The following BSN variants were observed in gnomAD, a reference collection of about 807,000 sequenced individuals.
BSN encodes the protein protein bassoon.
Under a neutral mutation model 264.8 loss-of-function variants are expected in BSN, and 57 were observed. The observed-to-expected ratio is 0.22, with a 90% CI of 0.17 to 0.27. BSN has a LOEUF of 0.27. Among genes scored for constraint, BSN ranks in the 10% least tolerant of loss-of-function variants. The pLI, the probability that BSN is intolerant of heterozygous loss-of-function variation, is 1.00. For synonymous variants in BSN, 2,059 were observed against 2,137.3 expected, an observed-to-expected ratio of 0.96 and a Z score of 1.01; for missense variants, 4,615 against 5,232.5, an observed-to-expected ratio of 0.88 and a Z score of 3.64.
chr3:49,655,648 G>A lies in BSN; in HGVS notation c.6092G>A (p.Arg2031His), dbSNP rs147711810. ...TACAGCCTGGGCTTTGCGGATGGAC[G>A]CTACCTAGGGCAGGGCTTGCAGTAT... is the stretch of plus-strand genomic sequence containing the variant. ...HSYSLGFADG[R>H]YLGQGLQYGS... The change falls in exon 5 of 12, where the codon CGC becomes CAC. Residue 2031 changes from arginine to histidine, a missense_variant. Arg to His is a conservative substitution (Grantham distance 29). Transcript: ENST00000296452. 2.7e-5 allele frequency: 44 copies of A among 1,613,516 alleles called. No homozygotes were observed. The African/African-American group carries it at 2.9e-4, about 11-fold the overall frequency.
At chr3:49,603,402 C>A (rs1389877475) in intron 1 of BSN, among the ~76,000 whole-genome samples, 1 of 152,196 alleles carries the variant, frequency 6.6e-6, no homozygotes, top group Non-Finnish European at 1.5e-5. Flanking sequence ...TGGTTCCTGA[C>A]TTCTTAGGGT....
Position 49,656,946 on chromosome 3 carries a change from C to G in BSN, c.7390C>G (p.Gln2464Glu), listed in dbSNP as rs2052608798. Residue 2464 changes from glutamine to glutamate, a missense_variant, in exon 5 of 12, where the codon CAG becomes GAG. This residue lies in a region of BSN where 3,415 missense variants were observed against 3,866.4 expected (regional missense o/e 0.88). Transcript: ENST00000296452. ...QIQQLQQQLQQQLEEQKQRQK... is the reference protein window; with the variant it reads ...QIQQLQQQLQEQLEEQKQRQK... ...CCAGCAGCTGCAGCAGCAGCTGCAG[C>G]AGCAGCTAGAGGAGCAGAAGCAGCG... is the stretch of plus-strand genomic sequence containing the variant. The G allele has an allele frequency of 1.9e-6, 3 of 1,602,684 alleles. No homozygotes were observed. The highest frequency in any genetic ancestry group is 1.7e-5 in the Admixed American group (1 of 58,924).
intron 1 of BSN, among the ~76,000 whole-genome samples, chr3:49,600,572 G>T (rs1391334721): frequency 6.6e-6 from 1 of 152,130 alleles, no homozygotes; most frequent in Non-Finnish European, 1.5e-5. Flanking sequence ...AAACTCCATG[G>T]CTGGAGCACA....
Position 49,661,484 on chromosome 3 carries a change from C to G in BSN, c.9639C>G (p.Thr3213=), listed in dbSNP as rs1170973147. 2.5e-6 allele frequency: 4 copies of G among 1,613,944 alleles called. No homozygotes were observed. Among genetic ancestry groups the G allele is most frequent in the Admixed American group, 1.7e-5 (1 of 60,010 alleles). The change falls in exon 6 of 12, where the codon ACC becomes ACG. Residue 3213 remains threonine (T), a synonymous_variant. Coordinates refer to ENST00000296452, the MANE Select transcript of BSN (RefSeq NM_003458.4). ...GTGTGAGCCAGAGCCCAGCCCCCAC[C>G]TACCCCTCTGACTCACACTATACCA... ...RGSVSQSPAP[T]YPSDSHYTSL...
intron 1 of BSN, among the ~76,000 whole-genome samples, chr3:49,577,642 C>T (rs934989599): frequency 4.6e-5 from 7 of 151,692 alleles, no homozygotes; most frequent in African/African-American, 1.7e-4. Flanking sequence ...CAGGTTAAAG[C>T]GATTCTCCTG....
rs1250635964 is a variant in BSN, at chr3:49,656,119, G to A, written c.6563G>A (p.Arg2188His). 11 of 1,612,728 alleles carry A rather than the reference G, an allele frequency of 6.8e-6. No homozygotes were observed. Among genetic ancestry groups the A allele is most frequent in the African/African-American group, 2.7e-5 (2 of 74,940 alleles). ...CTGCTGCCGTCCACAGCCACTGTAC[G>A]TGCAGCTGATGGCATGATCTACTCG... ...RQLLPSTATV[R>H]AADGMIYSTI... is the part of the protein sequence containing the mutation. The change falls in exon 5 of 12, where the codon CGT becomes CAT. Residue 2188 changes from arginine to histidine, a missense_variant. Arg to His is a conservative substitution (Grantham distance 29). This residue lies in a region of BSN where 3,415 missense variants were observed against 3,866.4 expected (regional missense o/e 0.88). Transcript: ENST00000296452.
intron 11 of BSN, among the ~76,000 whole-genome samples, chr3:49,666,144 G>A (rs1053441776): frequency 5.3e-5 from 8 of 152,236 alleles, no homozygotes; most frequent in Non-Finnish European, 1.0e-4. Flanking sequence ...TGCCCCTTCA[G>A]GGTGCTTCTC....
At chr3:49,571,097 C>T (rs1187403294) in intron 1 of BSN, among the ~76,000 whole-genome samples, 1 of 152,186 alleles carries the variant, frequency 6.6e-6, no homozygotes, top group Non-Finnish European at 1.5e-5. Flanking sequence ...TAGCGACAGG[C>T]ATTGCTTTTG....
At chr3:49,560,315 T>C (rs1295839328) in intron 1 of BSN, among the ~76,000 whole-genome samples, 1 of 152,080 alleles carries the variant, frequency 6.6e-6, no homozygotes, top group Non-Finnish European at 1.5e-5. Context: ...GTGCAGTAAG[T>C]TGGGGCTAAC....
rs1255259691 is a variant in BSN, at chr3:49,616,977, TG to T, written c.225-7996del. ...GTTCCCGTTCCCAGCAGCCCTCCTG[TG>T]GCCAGGGGGCTCCTTCCTGCCTTGG... On this transcript the variant is annotated intron_variant, in intron 1 of 11. Transcript: ENST00000296452. Among the ~76,000 whole-genome samples, 9 of 152,308 alleles carry T rather than the reference TG, an allele frequency of 5.9e-5. 1 individual carries two copies. In the East Asian group the frequency reaches 1.7e-3, roughly 29 times the overall value.
At position 49,606,267 on chromosome 3, in the gene BSN, A is replaced by AATATATTAAAAATATATATT. The variant is rs2052147053; in HGVS notation, c.225-18702_225-18701insTAAAAATATATATTATATAT. ...TATATATTATATATAAAATATATAT[A>AATATATTAAAAATATATATT]ATATATATTAAAAATATATATTATA... On this transcript the variant is annotated intron_variant, in intron 1 of 11. Transcript: ENST00000296452. Among the ~76,000 whole-genome samples the AATATATTAAAAATATATATT allele has an allele frequency of 2.6e-4, 2 of 7,586 alleles. 1 individual carries two copies. The highest frequency in any genetic ancestry group is 5.2e-4 in the Non-Finnish European group (2 of 3,864). The allele number at this position is 7,586 out of a possible 152,430, so 5.0% of individuals were successfully genotyped here. A position where few individuals can be genotyped will look rare whatever the true frequency, so the allele number is the denominator to read the frequency against.
intron 1 of BSN, among the ~76,000 whole-genome samples, chr3:49,565,844 C>T (rs189428146): frequency 2.6e-5 from 4 of 151,792 alleles, no homozygotes; most frequent in Admixed American, 1.3e-4. Flanking sequence ...TTTTTTGAGA[C>T]GGAGTCTCGC....
Position 49,652,265 on chromosome 3 carries a change from G to A in BSN, c.2709G>A (p.Thr903=), listed in dbSNP as rs368833098. ...PKRRLPHNAT[T]GYEELLPEGG... ...GGCGCCTGCCCCACAATGCCACCAC[G>A]GGCTATGAGGAGCTGCTCCCTGAGG... The change falls in exon 5 of 12, where the codon ACG becomes ACA. Residue 903 remains threonine, a synonymous_variant. Transcript: ENST00000296452. 23 of 1,601,160 alleles carry A rather than the reference G, an allele frequency of 1.4e-5. No homozygotes were observed. The highest frequency in any genetic ancestry group is 1.9e-5 in the Non-Finnish European group (22 of 1,172,702).
At chr3:49,636,815 G>T in intron 2 of BSN, among the ~76,000 whole-genome samples, 1 of 152,244 alleles carries the variant, frequency 6.6e-6, no homozygotes, top group Non-Finnish European at 1.5e-5. Flanking sequence ...GCTAGATGGG[G>T]CAGGCAACAT....
Position 49,605,264 on chromosome 3 carries a change from T to A in BSN, c.225-19711T>A, listed in dbSNP as rs528969766. On this transcript the variant is annotated intron_variant, in intron 1 of 11. Coordinates refer to ENST00000296452, the MANE Select transcript of BSN (RefSeq NM_003458.4). ...AGAGCGAAACTCTGTCTCAAAAAAA[T>A]ATATATATACATATATATACATATA... 3.4e-3 allele frequency among the ~76,000 whole-genome samples: 389 copies of A among 114,380 alleles called. 1 individual carries two copies. The highest frequency in any genetic ancestry group is 0.012 in the African/African-American group (344 of 29,536). The allele number at this position is 114,380 out of a possible 152,430, so 75.0% of individuals were successfully genotyped here.
At chr3:49,664,978 C>A in intron 10 of BSN, 125 bp downstream of exon 10, 1 of 725,668 alleles carries the variant, frequency 1.4e-6, no homozygotes. Flanking sequence ...GTTCAGTACC[C>A]AGAGCTGCAA....
rs747191403 is a variant in BSN, at chr3:49,661,249, C to G, written c.9404C>G (p.Pro3135Arg). 1.2e-6 allele frequency: 2 copies of G among 1,613,664 alleles called. No homozygotes were observed. The highest frequency in any genetic ancestry group is 2.7e-5 in the African/African-American group (2 of 74,946). ...PTTQSTLFPVPADSRAPLQKP... is the reference protein window; with the variant it reads ...PTTQSTLFPVRADSRAPLQKP... Reference sequence around the variant, plus strand: ...ACACAGAGCACCCTTTTTCCAGTCCCCGCTGATAGCCGTGCCCCACTGCAG... The same window carrying G: ...ACACAGAGCACCCTTTTTCCAGTCCGCGCTGATAGCCGTGCCCCACTGCAG... Residue 3135 changes from proline to arginine, a missense_variant, in exon 6 of 12, where the codon CCC becomes CGC. By Grantham distance (103) the Pro-to-Arg change is moderately radical (BLOSUM62 -2). This residue lies in a region of BSN where 3,415 missense variants were observed against 3,866.4 expected (regional missense o/e 0.88). Coordinates refer to ENST00000296452, the MANE Select transcript of BSN (RefSeq NM_003458.4).
chr3:49,643,219 A>G (rs1252993479), intron 3 of BSN, 67 bp downstream of exon 3: 1 of 1,524,376 alleles, frequency 6.6e-7, no homozygotes, highest in Non-Finnish European at 8.8e-7. Flanking sequence ...AGTGAGTGTC[A>G]TGGGAACCAG....
Position 49,653,774 on chromosome 3 carries a change from C to G in BSN, c.4218C>G (p.Ser1406=), listed in dbSNP as rs772911326. The change falls in exon 5 of 12, where the codon TCC becomes TCG. Residue 1406 remains serine, a synonymous_variant. Transcript: ENST00000296452. The surrounding 1 kb of genome is among the most constrained non-coding windows in gnomAD (Gnocchi z 6.3). ...GYMTPASPAG[S]ERSPSPSSTA... ...TGACTCCAGCCTCCCCAGCAGGCTC[C>G]GAGCGTAGTCCTTCACCATCTTCCA... 2 of 1,614,082 alleles carry G rather than the reference C, an allele frequency of 1.2e-6. No homozygotes were observed. The highest frequency in any genetic ancestry group is 8.5e-7 in the Non-Finnish European group (1 of 1,179,994).
Sources: allele counts gnomAD v4.1 joint callset (sites outside exome capture counted in the v4.1 genomes callset), GRCh38; gene constraint gnomAD v4.1.1; regional missense constraint gnomAD v4.1.1; non-coding constraint Gnocchi (gnomAD v3.1); transcripts MANE v1.5; gene names NCBI Gene and HGNC (gene_info 2026-07-23, HGNC 2026-07-21).